CPQ: variants seen among roughly 807,000 people sequenced by gnomAD.
CPQ encodes Ser-Met dipeptidase.
A neutral mutation model predicts 45.7 loss-of-function variants in CPQ; 37 were observed. The ratio of observed to expected loss-of-function variants is 0.81; its 90% CI spans 0.62 to 1.07. The LOEUF (loss-of-function observed/expected upper bound fraction) is 1.07, where lower values mean the gene tolerates loss of function less well. Ranked by LOEUF, CPQ falls within the 50% of genes least tolerant of loss-of-function variation. The pLI, the probability that CPQ is intolerant of heterozygous loss-of-function variation, is 0.00. For missense variants in CPQ, 537 were observed against 572.9 expected, an observed-to-expected ratio of 0.94 and a Z score of 0.64; for synonymous variants, 186 against 205.8, an observed-to-expected ratio of 0.90 and a Z score of 0.82.
intron 5 of CPQ, among the ~76,000 whole-genome samples, chr8:96,971,083 A>C (rs945806707): frequency 6.6e-6 from 1 of 152,204 alleles, no homozygotes; most frequent in Non-Finnish European, 1.5e-5. Flanking sequence ...TTTGGAACAC[A>C]ATGCCCTGCG....
intron 5 of CPQ, among the ~76,000 whole-genome samples, chr8:96,979,646 G>T (rs1433636097): frequency 6.6e-6 from 1 of 152,150 alleles, no homozygotes; most frequent in Non-Finnish European, 1.5e-5. Context: ...ATGAACATCT[G>T]ATCGGACCTT....
At chr8:96,656,713 C>G (rs138338042) in intron 1 of CPQ, among the ~76,000 whole-genome samples, 9 of 152,306 alleles carry the variant, frequency 5.9e-5, no homozygotes, top group South Asian at 2.1e-4. Context: ...GGCTGGCCGT[C>G]TAAAGACTCA....
chr8:97,100,463 G>C (rs1811284444), intron 7 of CPQ, among the ~76,000 whole-genome samples: 1 of 152,138 alleles, frequency 6.6e-6, no homozygotes, highest in South Asian at 2.1e-4. Flanking sequence ...AAGTGGGCTT[G>C]GCTCTGGTCA....
intron 4 of CPQ, among the ~76,000 whole-genome samples, chr8:96,925,630 G>A (rs1018097242): frequency 2.0e-5 from 3 of 151,766 alleles, no homozygotes; most frequent in Non-Finnish European, 4.4e-5. Context: ...TGATCTGCCC[G>A]CCTTGGCCTC....
chr8:96,876,515 AG>A (rs1407223221), intron 3 of CPQ, among the ~76,000 whole-genome samples: 1 of 152,114 alleles, frequency 6.6e-6, no homozygotes, highest in East Asian at 1.9e-4. Flanking sequence ...TTCTGATCTC[AG>A]GGGAAAAGCA....
At chr8:97,043,733 T>C (rs1168153016) in intron 6 of CPQ, among the ~76,000 whole-genome samples, 1 of 152,216 alleles carries the variant, frequency 6.6e-6, no homozygotes, top group African/African-American at 2.4e-5. Flanking sequence ...TATTTCTCCT[T>C]AACTTATGAA....
intron 4 of CPQ, among the ~76,000 whole-genome samples, chr8:96,883,381 T>C (rs1284689238): frequency 2.0e-5 from 3 of 152,186 alleles, no homozygotes; most frequent in Non-Finnish European, 4.4e-5. Context: ...GGTAGCACCT[T>C]CTCCCAGAAG....
rs575206076 is a variant in CPQ, at chr8:96,715,517, G to T, written c.-34-69347G>T. Reference sequence around the variant, plus strand: ...CATTTCAGAAAGGCTGTCTATAGGTGTACCCACACGAAGCTCCCATGAAAG... The same window carrying T: ...CATTTCAGAAAGGCTGTCTATAGGTTTACCCACACGAAGCTCCCATGAAAG... On this transcript the variant is annotated intron_variant, in intron 1 of 7. Transcript: ENST00000220763. 1.1e-4 allele frequency among the ~76,000 whole-genome samples: 16 copies of T among 152,278 alleles called. No homozygotes were observed. The East Asian group carries it at 3.1e-3, about 29-fold the overall frequency.
chr8:96,794,390 G>A (rs892612152), intron 2 of CPQ, among the ~76,000 whole-genome samples: 11 of 152,148 alleles, frequency 7.2e-5, no homozygotes, highest in Admixed American at 5.2e-4. Flanking sequence ...CAACTAGAGC[G>A]ACTGGAACGC....
chr8:96,969,544 T>C (rs1369069401), intron 5 of CPQ, among the ~76,000 whole-genome samples: 1 of 152,220 alleles, frequency 6.6e-6, no homozygotes, highest in Admixed American at 6.5e-5. Flanking sequence ...TAAGATGTTA[T>C]TTGAACTTTC....
At chr8:97,046,933 A>AT (rs1253375023) in intron 6 of CPQ, among the ~76,000 whole-genome samples, 1 of 152,100 alleles carries the variant, frequency 6.6e-6, no homozygotes, top group Non-Finnish European at 1.5e-5. Flanking sequence ...AAAATTACCC[A>AT]TTTTTTCCAC....
intron 7 of CPQ, among the ~76,000 whole-genome samples, chr8:97,098,152 G>C (rs939026344): frequency 2.6e-5 from 4 of 152,190 alleles, no homozygotes; most frequent in Non-Finnish European, 4.4e-5. Flanking sequence ...AAAGAATGCA[G>C]TCTTCCCAAC....
chr8:96,849,965 C>A (rs1388861504), intron 3 of CPQ, among the ~76,000 whole-genome samples: 1 of 152,136 alleles, frequency 6.6e-6, no homozygotes, highest in Non-Finnish European at 1.5e-5. Flanking sequence ...AACAAGGACA[C>A]ATTATTTTTT....
intron 5 of CPQ, among the ~76,000 whole-genome samples, chr8:97,009,773 G>A (rs946957776): frequency 6.6e-6 from 1 of 152,126 alleles, no homozygotes; most frequent in African/African-American, 2.4e-5. Context: ...GTTAGAAGGT[G>A]ACAATTTTAT....
intron 6 of CPQ, among the ~76,000 whole-genome samples, chr8:97,039,414 T>C (rs1040368085): frequency 1.3e-5 from 2 of 152,050 alleles, no homozygotes; most frequent in Non-Finnish European, 2.9e-5. Context: ...TCTTTTTTAT[T>C]TTTTTTAATA....
chr8:96,699,713 T>C (rs1809430273), intron 1 of CPQ, among the ~76,000 whole-genome samples: 1 of 152,014 alleles, frequency 6.6e-6, no homozygotes, highest in African/African-American at 2.4e-5. Flanking sequence ...TTGAAACATA[T>C]GGTACTGAGG....
intron 6 of CPQ, among the ~76,000 whole-genome samples, chr8:97,033,715 T>C (rs1253895640): frequency 6.6e-6 from 1 of 151,946 alleles, no homozygotes; most frequent in African/African-American, 2.4e-5. Context: ...AAACAATACG[T>C]AGATTATTAT....
intron 7 of CPQ, among the ~76,000 whole-genome samples, chr8:97,095,939 TTA>T (rs1367965814): frequency 3.9e-5 from 6 of 152,210 alleles, no homozygotes; most frequent in Admixed American, 3.9e-4. Context: ...ATTCTGAATT[TTA>T]CTTTTCTCAC....
chr8:96,978,984 G>T (rs558124923), intron 5 of CPQ, among the ~76,000 whole-genome samples: 1 of 152,022 alleles, frequency 6.6e-6, no homozygotes, highest in South Asian at 2.1e-4. Flanking sequence ...GGAGCTCATA[G>T]TCAGGCAACA....
Sources: gnomAD v4.1 joint callset for allele counts (sites outside exome capture counted in the v4.1 genomes callset) on GRCh38, gnomAD v4.1.1 for gene constraint, MANE v1.5 for transcripts, NCBI Gene and HGNC (gene_info 2026-07-23, HGNC 2026-07-21) for gene names.